NRG2: variants seen among roughly 807,000 people sequenced by gnomAD.
NRG2 encodes the protein neuregulin 2, also known as pro-neuregulin-2, membrane-bound isoform.
A neutral mutation model predicts 73.9 loss-of-function variants in NRG2; 27 were observed. That is an observed-to-expected ratio of 0.37 (90% CI 0.27 to 0.50). The LOEUF (loss-of-function observed/expected upper bound fraction) is 0.50. Ranked by LOEUF, NRG2 falls within the 20% of genes least tolerant of loss-of-function variation. The pLI is 0.96. For missense variants in NRG2, 1,126 were observed against 1,210.1 expected, an observed-to-expected ratio of 0.93 and a Z score of 1.03; for synonymous variants, 532 against 541.0, an observed-to-expected ratio of 0.98 and a Z score of 0.23.
In NRG2 at chr5:139,886,606, A is replaced by G. The variant is rs951868469; in HGVS notation, c.872+734T>C. Among the ~76,000 whole-genome samples the G allele has an allele frequency of 3.3e-5, 5 of 152,322 alleles. No individual in the cohort carries two copies. The East Asian group carries it at 9.7e-4, about 29-fold the overall frequency. ...TAGAATGCCTGTTTAGCTGGCAGGC[A>G]GGGGTTTTCCCCCTTGCTTCTCCTT... On this transcript the variant is annotated intron_variant, in intron 2 of 9. Coordinates refer to ENST00000361474, the MANE Select transcript of NRG2 (RefSeq NM_004883.3).
chr5:139,983,409 G>A (rs1306210091), intron 1 of NRG2, among the ~76,000 whole-genome samples: 1 of 152,234 alleles, frequency 6.6e-6, no homozygotes. Context: ...AGCCTAAAGG[G>A]AAGGCGGGCC....
chr5:139,884,078 T>C (rs1286468906), intron 2 of NRG2, among the ~76,000 whole-genome samples: 1 of 152,152 alleles, frequency 6.6e-6, no homozygotes, highest in African/African-American at 2.4e-5. Flanking sequence ...TCCTGCAAGA[T>C]TCTCGTCAGT....
chr5:140,020,720 A>G (rs1760152782), intron 1 of NRG2, among the ~76,000 whole-genome samples: 1 of 152,238 alleles, frequency 6.6e-6, no homozygotes, highest in African/African-American at 2.4e-5. Context: ...CTCCTAGCAA[A>G]GGTTGAGAAA....
intron 6 of NRG2, 96 bp downstream of exon 6, chr5:139,855,580 T>C (rs984729322): frequency 1.9e-6 from 2 of 1,058,562 alleles, no homozygotes; most frequent in East Asian, 2.4e-5. Flanking sequence ...TATAGAGGGC[T>C]CCAGTGGGGT....
chr5:140,027,960 C>T (rs1343948823), intron 1 of NRG2, among the ~76,000 whole-genome samples: 1 of 152,176 alleles, frequency 6.6e-6, no homozygotes, highest in Non-Finnish European at 1.5e-5. Flanking sequence ...GAATCATTCC[C>T]AGGCAATAGG....
chr5:140,022,352 T>G (rs899963480), intron 1 of NRG2, among the ~76,000 whole-genome samples: 7 of 152,316 alleles, frequency 4.6e-5, no homozygotes, highest in Non-Finnish European at 8.8e-5. Context: ...CCTCCCTCTC[T>G]CCTTCCTTAT....
intron 1 of NRG2, among the ~76,000 whole-genome samples, chr5:140,038,877 T>C (rs1257742464): frequency 6.6e-6 from 1 of 152,244 alleles, no homozygotes; most frequent in East Asian, 1.9e-4. Context: ...TAGTTTCACT[T>C]TCCCATCTTC....
intron 1 of NRG2, among the ~76,000 whole-genome samples, chr5:139,986,208 T>C (rs1391267698): frequency 1.3e-5 from 2 of 152,096 alleles, no homozygotes; most frequent in Non-Finnish European, 2.9e-5. Context: ...GAATGAAAAA[T>C]TCTGAATTTC....
At chr5:139,890,184 G>A (rs1433537978) in intron 1 of NRG2, among the ~76,000 whole-genome samples, 1 of 152,178 alleles carries the variant, frequency 6.6e-6, no homozygotes, top group African/African-American at 2.4e-5. Context: ...CTAGGCAAAA[G>A]ATAACGTCTC....
chr5:140,000,830 A>G (rs757037333), intron 1 of NRG2, among the ~76,000 whole-genome samples: 8 of 152,200 alleles, frequency 5.3e-5, no homozygotes, highest in African/African-American at 9.7e-5. Context: ...CCTAGCTTCA[A>G]TCCATTCTAA....
intron 1 of NRG2, among the ~76,000 whole-genome samples, chr5:139,891,374 C>A (rs555362117): frequency 1.5e-3 from 226 of 152,308 alleles, no homozygotes; most frequent in Non-Finnish European, 2.9e-3. Flanking sequence ...AAACACAGGA[C>A]CGCATTTCAG....
intron 1 of NRG2, among the ~76,000 whole-genome samples, chr5:139,934,126 G>A (rs1054487231): frequency 6.6e-6 from 1 of 152,202 alleles, no homozygotes; most frequent in African/African-American, 2.4e-5. Flanking sequence ...TTGAGTCCGG[G>A]AGGTTCAGGC....
chr5:140,002,278 A>G (rs1375178404), intron 1 of NRG2, among the ~76,000 whole-genome samples: 1 of 152,226 alleles, frequency 6.6e-6, no homozygotes, highest in African/African-American at 2.4e-5. Flanking sequence ...ATTCTAGTGG[A>G]AAGAGGTAAA....
intron 1 of NRG2, among the ~76,000 whole-genome samples, chr5:140,011,962 G>A (rs878960712): frequency 6.6e-6 from 1 of 152,086 alleles, no homozygotes; most frequent in Admixed American, 6.5e-5. Flanking sequence ...CACATGGGAT[G>A]AATTCATACT....
In NRG2 at chr5:139,863,863, C is replaced by T. The variant is rs146099459; in HGVS notation, c.1189+1686G>A. ...CCATCTGGGCCAAGCAGCTCCCATC[C>T]CCCAGGGGTCTCTATGCCCCTGTGG... On this transcript the variant is annotated intron_variant, in intron 5 of 9. Transcript: ENST00000361474. 1.1e-3 allele frequency among the ~76,000 whole-genome samples: 164 copies of T among 152,330 alleles called. 3 individuals carry two copies. The East Asian group carries it at 0.03, about 28-fold the overall frequency.
At chr5:139,883,447 C>T (rs893949505) in intron 2 of NRG2, among the ~76,000 whole-genome samples, 3 of 152,034 alleles carry the variant, frequency 2.0e-5, no homozygotes, top group Non-Finnish European at 2.9e-5. Context: ...GCTCCTGGCA[C>T]AGGAAGGCTT....
At chr5:139,983,357 TGA>T (rs1240425389) in intron 1 of NRG2, among the ~76,000 whole-genome samples, 1 of 152,220 alleles carries the variant, frequency 6.6e-6, no homozygotes, top group East Asian at 1.9e-4. Flanking sequence ...GCCCTGCGTC[TGA>T]GAGTGGTCCT....
chr5:139,963,720 G>A (rs1755256116), intron 1 of NRG2, among the ~76,000 whole-genome samples: 1 of 152,206 alleles, frequency 6.6e-6, no homozygotes, highest in Non-Finnish European at 1.5e-5. Flanking sequence ...ACTCTCGTCT[G>A]CCTGACTCTA....
At chr5:139,922,916 A>G (rs1208772513) in intron 1 of NRG2, among the ~76,000 whole-genome samples, 1 of 152,240 alleles carries the variant, frequency 6.6e-6, no homozygotes, top group Non-Finnish European at 1.5e-5. Flanking sequence ...CTATGGAAAC[A>G]GTAAAAAGAT....
Sources: gnomAD v4.1 joint callset for allele counts (sites outside exome capture counted in the v4.1 genomes callset) on GRCh38, gnomAD v4.1.1 for gene constraint, MANE v1.5 for transcripts, NCBI Gene and HGNC (gene_info 2026-07-23, HGNC 2026-07-21) for gene names.